Variants in LRMDA observed in about 807,000 individuals in gnomAD.
LRMDA encodes the protein leucine rich melanocyte differentiation associated, also known as leucine-rich melanocyte differentiation-associated protein.
Under a neutral mutation model 29.8 loss-of-function variants are expected in LRMDA, and 18 were observed. The ratio of observed to expected loss-of-function variants is 0.60; its 90% confidence interval spans 0.42 to 0.90. The LOEUF (loss-of-function observed/expected upper bound fraction) is 0.90, where lower values mean the gene tolerates loss of function less well. Ranked by LOEUF, LRMDA falls within the 40% of genes least tolerant of loss-of-function variation. LRMDA has a pLI of 0.00. For synonymous variants in LRMDA, 125 were observed against 109.4 expected, an observed-to-expected ratio of 1.14 and a Z score of -0.89; for missense variants, 273 against 273.9, an observed-to-expected ratio of 1.00 and a Z score of 0.02.
chr10:75,788,756 A>T (rs1843517086), intron 2 of LRMDA, among the ~76,000 whole-genome samples: 1 of 152,258 alleles, frequency 6.6e-6, no homozygotes, highest in Non-Finnish European at 1.5e-5. Flanking sequence ...TGCCACACAG[A>T]ATAAAATCAC....
intron 2 of LRMDA, among the ~76,000 whole-genome samples, chr10:75,545,208 A>G (rs1396680475): frequency 6.6e-6 from 1 of 152,156 alleles, no homozygotes; most frequent in Non-Finnish European, 1.5e-5. Flanking sequence ...TCACGTCTGA[A>G]ATGTCTTTTT....
chr10:76,249,881 C>A (rs1467214403), intron 5 of LRMDA, among the ~76,000 whole-genome samples: 1 of 152,214 alleles, frequency 6.6e-6, no homozygotes, highest in Non-Finnish European at 1.5e-5. Context: ...TAGCTCACTG[C>A]AACTTCAGCC....
chr10:76,216,677 A>G (rs1851734346), intron 5 of LRMDA, among the ~76,000 whole-genome samples: 1 of 152,208 alleles, frequency 6.6e-6, no homozygotes. Context: ...ATGTATATCT[A>G]CAGGAACCCT....
In LRMDA at chr10:75,605,446, T is replaced by A. The variant is rs755421981; in HGVS notation, c.131+166952T>A. Among the ~76,000 whole-genome samples the A allele has an allele frequency of 3.3e-5, 5 of 152,310 alleles. No homozygotes were observed. In the Middle Eastern group the frequency reaches 0.01, roughly 311 times the overall value. Reference sequence around the variant, plus strand: ...AAGCAGAGAATCGCACCTAGAAAGTTTGTACATTGTGGGATACTTAACTAA... The same window carrying A: ...AAGCAGAGAATCGCACCTAGAAAGTATGTACATTGTGGGATACTTAACTAA... On this transcript the variant is annotated intron_variant, in intron 2 of 6. Coordinates refer to ENST00000611255, the MANE Select transcript of LRMDA (RefSeq NM_001305581.2).
At chr10:76,048,833 G>T (rs1848484278) in intron 4 of LRMDA, among the ~76,000 whole-genome samples, 2 of 152,156 alleles carry the variant, frequency 1.3e-5, no homozygotes, top group African/African-American at 4.8e-5. Flanking sequence ...TCTAGAGAAT[G>T]GCTTCCAGTG....
intron 2 of LRMDA, among the ~76,000 whole-genome samples, chr10:75,797,045 GT>G (rs1201343395): frequency 6.6e-6 from 1 of 151,662 alleles, no homozygotes; most frequent in Middle Eastern, 3.2e-3. Flanking sequence ...GTAATTTTGG[GT>G]TTTTTTTCTT....
At chr10:75,438,569 A>T (rs1844289067) in intron 2 of LRMDA, 75 bp downstream of exon 2, 4 of 1,171,894 alleles carry the variant, frequency 3.4e-6, no homozygotes, top group Non-Finnish European at 5.0e-6. Flanking sequence ...CCAAGCAGAT[A>T]AAAGTCAAAT....
intron 2 of LRMDA, among the ~76,000 whole-genome samples, chr10:75,940,099 A>C (rs544200336): frequency 1.3e-5 from 2 of 152,308 alleles, no homozygotes; most frequent in Admixed American, 1.3e-4. Context: ...TTCAACAGAT[A>C]TTTATTGAGT....
chr10:76,479,713 A>G (rs1331894959), intron 6 of LRMDA, among the ~76,000 whole-genome samples: 1 of 151,844 alleles, frequency 6.6e-6, no homozygotes, highest in East Asian at 2.0e-4. Flanking sequence ...TTTTCAAAAA[A>G]TTTGCTTTGA....
chr10:75,537,670 G>T (rs1839965723), intron 2 of LRMDA, among the ~76,000 whole-genome samples: 1 of 152,212 alleles, frequency 6.6e-6, no homozygotes, highest in Non-Finnish European at 1.5e-5. Context: ...GTGAGCTTGG[G>T]TTGCTTGGGG....
chr10:75,935,396 G>C (rs1345177202), intron 2 of LRMDA, among the ~76,000 whole-genome samples: 1 of 152,214 alleles, frequency 6.6e-6, no homozygotes, highest in Non-Finnish European at 1.5e-5. Flanking sequence ...TTCTCCTGCA[G>C]ACAGGCCCCT....
intron 6 of LRMDA, among the ~76,000 whole-genome samples, chr10:76,339,966 AC>A (rs5786230): frequency 1 from 152,236 of 152,236 alleles, 76,118 homozygotes; most frequent in Non-Finnish European, 1. Context: ...TCCATAACTG[AC>A]CCTAAGCAAT....
intron 2 of LRMDA, among the ~76,000 whole-genome samples, chr10:75,950,771 A>G (rs1176711824): frequency 6.6e-6 from 1 of 152,212 alleles, no homozygotes; most frequent in Non-Finnish European, 1.5e-5. Context: ...TGCCCTCTGC[A>G]CACAGTGATC....
chr10:76,380,669 A>T (rs1564525629), intron 6 of LRMDA, among the ~76,000 whole-genome samples: 1 of 142,958 alleles, frequency 7.0e-6, no homozygotes, highest in Non-Finnish European at 1.5e-5. Flanking sequence ...ACTCCACTTC[A>T]TAAAAAAAAA....
At chr10:76,537,310 A>C (rs1468280195) in intron 6 of LRMDA, among the ~76,000 whole-genome samples, 1 of 152,232 alleles carries the variant, frequency 6.6e-6, no homozygotes, top group East Asian at 1.9e-4. Flanking sequence ...ACTTGAGCAC[A>C]TGTGTGCACA....
At chr10:75,999,162 G>A (rs1297140765) in intron 2 of LRMDA, among the ~76,000 whole-genome samples, 1 of 152,236 alleles carries the variant, frequency 6.6e-6, no homozygotes, top group Non-Finnish European at 1.5e-5. Context: ...CAGTAAGGAT[G>A]AAAATGTTTT....
intron 5 of LRMDA, among the ~76,000 whole-genome samples, chr10:76,084,615 C>T (rs1849105268): frequency 6.6e-6 from 1 of 151,986 alleles, no homozygotes; most frequent in African/African-American, 2.4e-5. Context: ...GTTCAGTTTT[C>T]TCGTTGGCAA....
chr10:75,580,446 T>A (rs916111046), intron 2 of LRMDA, among the ~76,000 whole-genome samples: 7 of 152,242 alleles, frequency 4.6e-5, no homozygotes, highest in Non-Finnish European at 7.3e-5. Context: ...GAACATTCCA[T>A]GCTCATGGAT....
At chr10:76,033,750 T>C (rs923616749) in intron 2 of LRMDA, among the ~76,000 whole-genome samples, 5 of 152,108 alleles carry the variant, frequency 3.3e-5, no homozygotes, top group Non-Finnish European at 5.9e-5. Flanking sequence ...GGAAGTGGCC[T>C]CACCTCCCCT....
Sources: allele counts gnomAD v4.1 joint callset (sites outside exome capture counted in the v4.1 genomes callset), GRCh38; gene constraint gnomAD v4.1.1; transcripts MANE v1.5; gene names NCBI Gene and HGNC (gene_info 2026-07-23, HGNC 2026-07-21).